Variants in PALLD observed in about 807,000 individuals in gnomAD.
The protein encoded by PALLD is palladin.
In PALLD, 61 loss-of-function variants were observed where a neutral mutation model predicts 123.5. The observed-to-expected ratio is 0.49, with a 90% CI of 0.40 to 0.61. PALLD has a LOEUF of 0.61. Among genes scored for constraint, PALLD ranks in the 20% least tolerant of loss-of-function variants. The pLI is 0.00. For synonymous variants in PALLD, 465 were observed against 496.4 expected (o/e 0.94, Z 0.84); for missense variants, 1,273 against 1,377.0 (o/e 0.92, Z 1.20).
intron 10 of PALLD, among the ~76,000 whole-genome samples, chr4:168,840,212 C>T (rs917945636): frequency 6.6e-5 from 10 of 152,098 alleles, no homozygotes; most frequent in South Asian, 4.1e-4. Context: ...TAACAGAGAA[C>T]GTTTGAGTAC....
At chr4:168,821,747 G>T (rs1742745778) in intron 10 of PALLD, among the ~76,000 whole-genome samples, 1 of 151,936 alleles carries the variant, frequency 6.6e-6, no homozygotes, top group African/African-American at 2.4e-5. Context: ...GGGCATGGTG[G>T]CGCGTGCCTG....
chr4:168,636,039 T>A (rs1776315955), intron 2 of PALLD, among the ~76,000 whole-genome samples: 1 of 152,138 alleles, frequency 6.6e-6, no homozygotes, highest in African/African-American at 2.4e-5. Flanking sequence ...CCTTCCCAAA[T>A]ATGACATGTG....
chr4:168,617,039 T>G (rs1774291508), intron 2 of PALLD, among the ~76,000 whole-genome samples: 1 of 152,154 alleles, frequency 6.6e-6, no homozygotes, highest in African/African-American at 2.4e-5. Flanking sequence ...CGCACTTGCT[T>G]CCTGCTTCTT....
chr4:168,878,082 C>T lies in PALLD; in HGVS notation c.1965-12840C>T. ...CCGACGCCGAGGCAGTTCGGCCGCG[C>T]CCCCGTGCCGCCCTTCGCGCAGCCC... is the stretch of plus-strand genomic sequence containing the variant. On this transcript the variant is annotated intron_variant, in intron 10 of 21. Transcript: ENST00000505667. 3 of 1,448,112 alleles carry T rather than the reference C, an allele frequency of 2.1e-6. No individual in the cohort carries two copies. The highest frequency in any genetic ancestry group is 1.4e-5 in the South Asian group (1 of 71,700). 89.7% of individuals were successfully genotyped at this position (1,448,112 alleles called of 1,614,324 possible).
intron 1 of PALLD, among the ~76,000 whole-genome samples, chr4:168,504,471 G>A (rs1761784385): frequency 6.6e-6 from 1 of 152,042 alleles, no homozygotes; most frequent in South Asian, 2.1e-4. Context: ...GCAGGCACCT[G>A]TAGCCCCAGC....
At chr4:168,690,834 T>C (rs1163740687) in intron 7 of PALLD, 90 bp downstream of exon 7, 1 of 1,294,394 alleles carries the variant, frequency 7.7e-7, no homozygotes, top group Non-Finnish European at 1.1e-6. Context: ...TTAAGATGAA[T>C]TGATCTCTAT....
intron 8 of PALLD, among the ~76,000 whole-genome samples, chr4:168,707,966 C>T (rs1784381275): frequency 6.6e-6 from 1 of 152,158 alleles, no homozygotes; most frequent in Non-Finnish European, 1.5e-5. Context: ...GGCTATGAAG[C>T]ATTTGCTCTG....
At chr4:168,706,185 AG>A (rs1784212465) in intron 8 of PALLD, among the ~76,000 whole-genome samples, 1 of 152,150 alleles carries the variant, frequency 6.6e-6, no homozygotes, top group South Asian at 2.1e-4. Context: ...AATGCTTGGC[AG>A]CCAGCATTCG....
chr4:168,651,223 C>T (rs908603745), intron 2 of PALLD, among the ~76,000 whole-genome samples: 1 of 152,158 alleles, frequency 6.6e-6, no homozygotes, highest in Non-Finnish European at 1.5e-5. Context: ...AAGGCTGTTC[C>T]ACCTCCTCAG....
rs1287181206 is a variant in PALLD at position 168,703,358 on chromosome 4, G to A, written c.1502-5670G>A. Reference sequence around the variant, plus strand: ...AGTCTTTGCTATTGTGAATAGTGCCGCAATAAACATACGTGTGCATGTGTC... The same window carrying A: ...AGTCTTTGCTATTGTGAATAGTGCCACAATAAACATACGTGTGCATGTGTC... On this transcript the variant is annotated intron_variant, in intron 8 of 21. Coordinates refer to ENST00000505667, the MANE Select transcript of PALLD (RefSeq NM_001166108.2). 5.0e-3 allele frequency among the ~76,000 whole-genome samples: 600 copies of A among 119,222 alleles called. 2 individuals carry two copies. The highest frequency in any genetic ancestry group is 0.036 in the South Asian group (114 of 3,202). The allele number at this position is 119,222 out of a possible 152,430, so 78.2% of individuals were successfully genotyped here. A position where few individuals can be genotyped will look rare whatever the true frequency, so the allele number is the denominator to read the frequency against.
chr4:168,641,169 C>T (rs532855643), intron 2 of PALLD, among the ~76,000 whole-genome samples: 4 of 149,166 alleles, frequency 2.7e-5, no homozygotes, highest in Admixed American at 6.7e-5. Flanking sequence ...GATTGCACCA[C>T]GGCACTCCAG....
intron 8 of PALLD, 55 bp downstream of exon 8, chr4:168,691,347 C>T: frequency 7.1e-7 from 1 of 1,402,692 alleles, no homozygotes. Context: ...GATAATGTAT[C>T]TTTTGGGTCT....
At chr4:168,642,551 G>A (rs1306617763) in intron 2 of PALLD, among the ~76,000 whole-genome samples, 1 of 152,062 alleles carries the variant, frequency 6.6e-6, no homozygotes, top group Non-Finnish European at 1.5e-5. Context: ...ATAGGCGCCC[G>A]CCACCACGCC....
At chr4:168,749,620 C>T (rs1730768933) in intron 10 of PALLD, among the ~76,000 whole-genome samples, 1 of 152,178 alleles carries the variant, frequency 6.6e-6, no homozygotes, top group Admixed American at 6.5e-5. Context: ...AGGAGAATCA[C>T]TTGAACCCGA....
chr4:168,745,342 C>T (rs534902316), intron 10 of PALLD, among the ~76,000 whole-genome samples: 12 of 147,588 alleles, frequency 8.1e-5, no homozygotes, highest in East Asian at 8.1e-4. Flanking sequence ...CTTCATATGT[C>T]GTTAATACTT....
chr4:168,634,627 A>G (rs1776158256), intron 2 of PALLD, among the ~76,000 whole-genome samples: 1 of 152,156 alleles, frequency 6.6e-6, no homozygotes, highest in Non-Finnish European at 1.5e-5. Context: ...CGCACTTGGT[A>G]GCGACTCCCC....
In PALLD at chr4:168,585,752, G is replaced by A. The variant is rs555362839; in HGVS notation, c.908+73340G>A. Among the ~76,000 whole-genome samples, 8 of 152,256 alleles carry A rather than the reference G, an allele frequency of 5.3e-5. No homozygotes were observed. The East Asian group carries it at 1.5e-3, about 29-fold the overall frequency. On this transcript the variant is annotated intron_variant, in intron 2 of 21. Coordinates refer to ENST00000505667, the MANE Select transcript of PALLD (RefSeq NM_001166108.2). The stretch of plus-strand genomic sequence containing the variant: ...CAGTTGAAAAGCTCCCCAGCCCAGG[G>A]TGGAACCAAGCAGCCCACGCCTGCT...
At chr4:168,921,878 G>A in intron 18 of PALLD, 137 bp downstream of exon 18, 2 of 760,820 alleles carry the variant, frequency 2.6e-6, no homozygotes, top group Non-Finnish European at 4.6e-6. Context: ...TAGCCAATGA[G>A]GACATGGTTA....
chr4:168,579,129 C>A (rs1208792659), intron 2 of PALLD, among the ~76,000 whole-genome samples: 1 of 152,150 alleles, frequency 6.6e-6, no homozygotes, highest in Non-Finnish European at 1.5e-5. Context: ...TGCTTTCAAT[C>A]CCTAGAAAGT....
Sources: allele counts gnomAD v4.1 joint callset (sites outside exome capture counted in the v4.1 genomes callset), GRCh38; gene constraint gnomAD v4.1.1; transcripts MANE v1.5; gene names NCBI Gene and HGNC (gene_info 2026-07-23, HGNC 2026-07-21).